The following AKNA variants were observed in gnomAD, a reference collection of about 807,000 sequenced individuals.
The protein encoded by AKNA is AT-hook transcription factor, also known as microtubule organization protein AKNA.
A neutral mutation model predicts 138.8 loss-of-function variants in AKNA; 67 were observed. The ratio of observed to expected loss-of-function variants is 0.48; its 90% CI spans 0.40 to 0.59. The LOEUF is 0.59. Among genes scored for constraint, AKNA ranks in the 20% least tolerant of loss-of-function variants. The probability of loss-of-function intolerance (pLI) is 0.00; values close to 1 mark genes in which losing one functional copy is unlikely to be tolerated. For missense variants in AKNA, 1,813 were observed against 1,880.4 expected, an observed-to-expected ratio of 0.96 and a Z score of 0.66; for synonymous variants, 737 against 754.4, an observed-to-expected ratio of 0.98 and a Z score of 0.38.
downstream of AKNA, chr9:114,333,253 C>A (rs1255809975): frequency 4.7e-6 from 5 of 1,070,176 alleles, no homozygotes; most frequent in East Asian, 1.3e-4. Context: ...TTTGGAACAG[C>A]TAAGCTGTTA....
intron 2 of AKNA, among the ~76,000 whole-genome samples, chr9:114,380,486 C>T (rs950279368): frequency 6.6e-6 from 1 of 152,126 alleles, no homozygotes; most frequent in Non-Finnish European, 1.5e-5. Flanking sequence ...CATATCTACA[C>T]ATATGGAAAA....
At chr9:114,385,777 C>A (rs1174037225) in intron 1 of AKNA, among the ~76,000 whole-genome samples, 1 of 152,208 alleles carries the variant, frequency 6.6e-6, no homozygotes, top group Non-Finnish European at 1.5e-5. Flanking sequence ...CACCACAAAG[C>A]CCCAGAACTG....
chr9:114,351,084 T>C (rs1831087227), intron 14 of AKNA, 63 bp from the exon 15 acceptor site: 2 of 1,525,146 alleles, frequency 1.3e-6, no homozygotes, highest in Admixed American at 1.9e-5. Context: ...AGCTCACACT[T>C]GTGCAGGTGG....
chr9:114,374,016 C>T (rs1371910774), intron 4 of AKNA, 77 bp downstream of exon 4: 4 of 1,464,552 alleles, frequency 2.7e-6, no homozygotes, highest in Admixed American at 4.0e-5. Flanking sequence ...AGGCAGTGGC[C>T]TTTCTCTAGG....
Position 114,361,908 on chromosome 9 carries a change from C to G in AKNA, c.1920G>C (p.Glu640Asp). The G allele has an allele frequency of 6.2e-7, 1 of 1,601,432 alleles. No homozygotes were observed. The change falls in exon 9 of 22, where the codon GAG becomes GAC. Residue 640 changes from glutamate to aspartate, a missense_variant. Transcript: ENST00000374088. ...GTPGRFDPRR[E>D]LEAEIYRLGS... ...CCAGACGGTATATCTCTGCCTCCAG[C>G]TCCCTGGAATGCAGAAACATTACCA...
chr9:114,376,831 G>A lies in AKNA; in HGVS notation c.976C>T (p.Arg326Trp), dbSNP rs200448078. ...SPLNPQPRPTRQGRPLPRQGA... is the reference protein window; with the variant it reads ...SPLNPQPRPTWQGRPLPRQGA... ...TGTCTGGGCAGCGGCCTGCCCTGCC[G>A]CGTTGGCCTGGGCTGGGGATTCAGG... The change falls in exon 3 of 22, where the codon CGG becomes TGG. Residue 326 changes from arginine (R) to tryptophan (W), a missense_variant. Arg to Trp is a moderately radical substitution (Grantham distance 101). Transcript: ENST00000374088. 125 of 1,613,216 alleles carry A rather than the reference G, an allele frequency of 7.7e-5. No individual in the cohort carries two copies. Among genetic ancestry groups the A allele is most frequent in the Middle Eastern group, 1.6e-4 (1 of 6,078 alleles).
chr9:114,350,165 T>A (rs1178571730), intron 15 of AKNA, among the ~76,000 whole-genome samples: 1 of 152,116 alleles, frequency 6.6e-6, no homozygotes, highest in Non-Finnish European at 1.5e-5. Flanking sequence ...TCCACTGATG[T>A]CAGGGGAGGC....
intron 18 of AKNA, 75 bp from the exon 19 acceptor site, chr9:114,343,878 G>C (rs1830515450): frequency 1.5e-6 from 2 of 1,302,394 alleles, no homozygotes; most frequent in South Asian, 2.7e-5. Context: ...CTGGAATAAT[G>C]ATCTCCTCTT....
In AKNA at chr9:114,380,981, CAAAAA is replaced by C. The variant is rs34055519; in HGVS notation, c.274+74_274+78del. ...CTGGCAATGAAGCAAGACTCTGTCT[CAAAAA>C]AAAAAAAAAAAAAAAGAACGTGTGA... is the stretch of plus-strand genomic sequence containing the variant. On this transcript the variant is annotated intron_variant, in intron 2 of 21. Coordinates refer to ENST00000374088, the MANE Select transcript of AKNA (RefSeq NM_001317950.2). 2,178 of 1,105,248 alleles carry C rather than the reference CAAAAA, an allele frequency of 2.0e-3. 10 individuals carry two copies. The African/African-American group carries it at 0.021, about 10-fold the overall frequency. 68.5% of individuals were successfully genotyped at this position (1,105,248 alleles called of 1,614,324 possible).
downstream of AKNA, among the ~76,000 whole-genome samples, chr9:114,332,852 G>C (rs1039375416): frequency 1.3e-5 from 2 of 152,182 alleles, no homozygotes; most frequent in African/African-American, 4.8e-5. Flanking sequence ...GTTCTTAAGG[G>C]TCTGAGCTCC....
intron 4 of AKNA, among the ~76,000 whole-genome samples, chr9:114,373,375 G>C (rs1832937826): frequency 6.6e-6 from 1 of 152,184 alleles, no homozygotes; most frequent in Admixed American, 6.5e-5. Flanking sequence ...TGGTGAGGTG[G>C]TGGGGAGGGA....
intron 18 of AKNA, 78 bp from the exon 19 acceptor site, chr9:114,343,881 C>A: frequency 1.6e-6 from 2 of 1,262,296 alleles, no homozygotes; most frequent in South Asian, 2.8e-5. Flanking sequence ...GAATAATGAT[C>A]TCCTCTTCCT....
At position 114,380,981 on chromosome 9, in the gene AKNA, C is replaced by CAGAAAAAAAAAAAAAAAAAAAAAA. The variant is rs1346229782; in HGVS notation, c.274+78_274+79insTTTTTTTTTTTTTTTTTTTTTTCT. 19 of 1,110,540 alleles carry CAGAAAAAAAAAAAAAAAAAAAAAA rather than the reference C, an allele frequency of 1.7e-5. No homozygotes were observed. The African/African-American group carries it at 5.5e-4, about 32-fold the overall frequency. 68.8% of individuals were successfully genotyped at this position (1,110,540 alleles called of 1,614,324 possible). A position where few individuals can be genotyped will look rare whatever the true frequency, so the allele number is the denominator to read the frequency against. On this transcript the variant is annotated intron_variant, in intron 2 of 21. Transcript: ENST00000374088. ...CTGGCAATGAAGCAAGACTCTGTCT[C>CAGAAAAAAAAAAAAAAAAAAAAAA]AAAAAAAAAAAAAAAAAAAAGAACG...
At chr9:114,393,785 A>T (rs549733072) in intron 1 of AKNA, among the ~76,000 whole-genome samples, 14 of 152,216 alleles carry the variant, frequency 9.2e-5, no homozygotes, top group Admixed American at 5.9e-4. Context: ...AAAACAGTAA[A>T]ATATGGAGGA....
At chr9:114,366,254 T>G (rs1832346559) in intron 6 of AKNA, among the ~76,000 whole-genome samples, 1 of 142,906 alleles carries the variant, frequency 7.0e-6, no homozygotes, top group African/African-American at 2.6e-5. Context: ...CACTCCAGCC[T>G]GGGCAACAGA....
In AKNA at chr9:114,336,295, G is replaced by A. The variant is rs961916628; in HGVS notation, c.*759C>T. Reference sequence around the variant, plus strand: ...TATGCTGCTGCCACGGGGTAGGGGTGCGGGAGGCGGCCTGGCCTCATGGCC... The same window carrying A: ...TATGCTGCTGCCACGGGGTAGGGGTACGGGAGGCGGCCTGGCCTCATGGCC... On this transcript the variant is annotated 3_prime_UTR_variant, in exon 22 of 22. Transcript: ENST00000374088. 6.5e-6 allele frequency: 1 copy of A among 152,700 alleles called. No individual in the cohort carries two copies. Among genetic ancestry groups the A allele is most frequent in the Non-Finnish European group, 1.5e-5 (1 of 68,060 alleles). The allele number at this position is 152,700 out of a possible 1,614,324, so 9.5% of individuals were successfully genotyped here.
At chr9:114,366,991 G>C (rs1156553634) in intron 6 of AKNA, among the ~76,000 whole-genome samples, 2 of 152,040 alleles carry the variant, frequency 1.3e-5, no homozygotes, top group African/African-American at 4.8e-5. Context: ...TCTGTTTTCA[G>C]AATGTGGCTA....
At position 114,367,527 on chromosome 9, in the gene AKNA, C is replaced by G; in HGVS notation, c.1728+16G>C. On this transcript the variant is annotated intron_variant, in intron 6 of 21. Transcript: ENST00000374088. ...TGAGTTAAGTCTCTCGGGGGCAAAG[C>G]TGGGAGTCCACTCACCTTGGCCAGG... is the stretch of plus-strand genomic sequence containing the variant. 1 of 1,611,612 alleles carries G rather than the reference C, an allele frequency of 6.2e-7. No individual in the cohort carries two copies. Among genetic ancestry groups the G allele is most frequent in the Non-Finnish European group, 8.5e-7 (1 of 1,179,690 alleles).
chr9:114,378,720 C>T (rs950982450), intron 2 of AKNA, among the ~76,000 whole-genome samples: 1 of 152,218 alleles, frequency 6.6e-6, no homozygotes, highest in African/African-American at 2.4e-5. Flanking sequence ...TTCCTCCCAA[C>T]ATCCATCCAT....
Sources: gnomAD v4.1 joint callset for allele counts (sites outside exome capture counted in the v4.1 genomes callset) on GRCh38, gnomAD v4.1.1 for gene constraint, MANE v1.5 for transcripts, NCBI Gene and HGNC (gene_info 2026-07-23, HGNC 2026-07-21) for gene names.